The following MAPK10 variants were observed in gnomAD, a reference collection of about 807,000 sequenced individuals.
The protein encoded by MAPK10 is mitogen-activated protein kinase 10, also known as JNK3 alpha protein kinase.
In MAPK10, 25 loss-of-function variants were observed where a neutral mutation model predicts 59.3. That is an observed-to-expected ratio of 0.42 (90% CI 0.31 to 0.59). The LOEUF (loss-of-function observed/expected upper bound fraction) is 0.59, where lower values mean the gene tolerates loss of function less well. MAPK10 is among the 20% of genes least tolerant of loss of function. The pLI is 0.15. For synonymous variants in MAPK10, 190 were observed against 200.5 expected, an observed-to-expected ratio of 0.95 and a Z score of 0.44; for missense variants, 351 against 568.9, an observed-to-expected ratio of 0.62 and a Z score of 3.90.
At chr4:86,429,041 T>C (rs753232008) in intron 1 of MAPK10, among the ~76,000 whole-genome samples, 184 of 152,348 alleles carry the variant, frequency 1.2e-3, no homozygotes, top group Non-Finnish European at 1.6e-3. Flanking sequence ...TGAATAATAA[T>C]ATTATCATTG....
At chr4:86,581,920 TATATATATATATATA>T (rs1762331274) in intron 1 of MAPK10, among the ~76,000 whole-genome samples, 1 of 116,620 alleles carries the variant, frequency 8.6e-6, no homozygotes, top group African/African-American at 3.1e-5. Context: ...TATATATATA[TATATATATATATATA>T]TATATATATA....
intron 1 of MAPK10, among the ~76,000 whole-genome samples, chr4:86,428,952 T>C (rs17011893): frequency 0.024 from 3,649 of 152,284 alleles, 136 homozygotes; most frequent in African/African-American, 0.084. Flanking sequence ...GCATAAAACA[T>C]TAGCATTTAC....
intron 1 of MAPK10, among the ~76,000 whole-genome samples, chr4:86,422,479 T>C (rs562997800): frequency 6.6e-6 from 1 of 152,334 alleles, no homozygotes; most frequent in African/African-American, 2.4e-5. Flanking sequence ...CATTCCATTA[T>C]GCCAACAAAA....
chr4:86,207,784 T>G (rs2084542495), intron 2 of MAPK10, among the ~76,000 whole-genome samples: 1 of 152,148 alleles, frequency 6.6e-6, no homozygotes, highest in South Asian at 2.1e-4. Context: ...GTTGGATTCC[T>G]AGGTCTTTTA....
At chr4:86,526,357 T>C (rs900716606) in intron 1 of MAPK10, among the ~76,000 whole-genome samples, 2 of 152,220 alleles carry the variant, frequency 1.3e-5, no homozygotes, top group Non-Finnish European at 2.9e-5. Flanking sequence ...CTTGTGCGCC[T>C]AGAGGTGTTC....
At chr4:86,422,144 A>C (rs1746618057) in intron 1 of MAPK10, among the ~76,000 whole-genome samples, 2 of 152,034 alleles carry the variant, frequency 1.3e-5, no homozygotes, top group Admixed American at 6.5e-5. Flanking sequence ...ACATTATTTG[A>C]GTGTTTATTG....
intron 1 of MAPK10, among the ~76,000 whole-genome samples, chr4:86,410,615 C>T (rs1460354719): frequency 6.6e-6 from 1 of 152,166 alleles, no homozygotes; most frequent in Non-Finnish European, 1.5e-5. Flanking sequence ...TCACCTTCTT[C>T]CTGGTTTAGT....
intron 2 of MAPK10, among the ~76,000 whole-genome samples, chr4:86,228,995 C>T (rs74402640): frequency 6.6e-6 from 1 of 152,254 alleles, no homozygotes; most frequent in African/African-American, 2.4e-5. Context: ...CTAAATGTAT[C>T]GTCTTTCAGA....
intron 1 of MAPK10, among the ~76,000 whole-genome samples, chr4:86,372,568 GAAA>G (rs1554253761): frequency 6.9e-5 from 2 of 29,086 alleles, no homozygotes; most frequent in African/African-American, 1.5e-4. Context: ...AAGAAAGAAA[GAAA>G]AGAAAAGAAA....
At chr4:86,332,169 C>T (rs2096169841) in intron 2 of MAPK10, among the ~76,000 whole-genome samples, 1 of 151,738 alleles carries the variant, frequency 6.6e-6, no homozygotes, top group African/African-American at 2.4e-5. Flanking sequence ...ACTAGAAGTA[C>T]AAAAAAATTA....
intron 3 of MAPK10, among the ~76,000 whole-genome samples, chr4:86,164,875 T>G (rs2071083372): frequency 6.6e-6 from 1 of 152,168 alleles, no homozygotes; most frequent in Non-Finnish European, 1.5e-5. Flanking sequence ...CAAGTTCTCT[T>G]CTTTTTGTAA....
At chr4:86,209,738 A>C (rs1316807867) in intron 2 of MAPK10, among the ~76,000 whole-genome samples, 1 of 151,796 alleles carries the variant, frequency 6.6e-6, no homozygotes, top group African/African-American at 2.4e-5. Flanking sequence ...TTCCTATCAA[A>C]GTACCAATGA....
chr4:86,576,380 G>A lies in MAPK10; in HGVS notation c.-263+17530C>T, dbSNP rs184872681. On this transcript the variant is annotated intron_variant, in intron 1 of 4. Transcript: ENST00000502302. ...CTACAAAGAACAGAGATACTAAACCGGGGTGGGGGTGTGGCAGGTAGAGTA... is the reference window on the plus strand; with the variant it reads ...CTACAAAGAACAGAGATACTAAACCAGGGTGGGGGTGTGGCAGGTAGAGTA... Among the ~76,000 whole-genome samples the A allele has an allele frequency of 4.6e-5, 7 of 152,244 alleles. No homozygotes were observed. In the East Asian group the frequency reaches 7.7e-4, roughly 17 times the overall value.
chr4:86,496,888 A>C (rs1754912475), intron 1 of MAPK10, among the ~76,000 whole-genome samples: 1 of 152,216 alleles, frequency 6.6e-6, no homozygotes, highest in Non-Finnish European at 1.5e-5. Context: ...CAGATAATCC[A>C]GTTCTGCCTC....
At chr4:86,174,450 C>G (rs761223762) in intron 3 of MAPK10, among the ~76,000 whole-genome samples, 21 of 152,078 alleles carry the variant, frequency 1.4e-4, no homozygotes, top group Admixed American at 1.0e-3. Context: ...GGGAACAACA[C>G]ACACTGGGAC....
chr4:86,453,685 T>A (rs1208009713), upstream of MAPK10, among the ~76,000 whole-genome samples: 1 of 150,584 alleles, frequency 6.6e-6, no homozygotes, highest in Non-Finnish European at 1.5e-5. Context: ...GCCATCCTGG[T>A]AACTGAAGAC....
At chr4:86,103,117 G>GTGGT in intron 6 of MAPK10, 69 bp downstream of exon 6, 1 of 743,270 alleles carries the variant, frequency 1.3e-6, no homozygotes. Context: ...GTGTGTGTGT[G>GTGGT]GTGTGTGATT....
At chr4:86,039,282 G>C (rs1039971937) in intron 11 of MAPK10, among the ~76,000 whole-genome samples, 2 of 152,160 alleles carry the variant, frequency 1.3e-5, no homozygotes, top group African/African-American at 2.4e-5. Context: ...ACTGGAGAGA[G>C]AGGAAGGACA....
intron 2 of MAPK10, among the ~76,000 whole-genome samples, chr4:86,214,513 A>AG (rs2086820174): frequency 8.5e-6 from 1 of 117,798 alleles, no homozygotes; most frequent in Admixed American, 8.6e-5. Flanking sequence ...AGATTCCTTA[A>AG]AAAAAAAAAA....
Sources: gnomAD v4.1 joint callset for allele counts (sites outside exome capture counted in the v4.1 genomes callset) on GRCh38, gnomAD v4.1.1 for gene constraint, MANE v1.5 for transcripts, NCBI Gene and HGNC (gene_info 2026-07-23, HGNC 2026-07-21) for gene names.